The following STK32A variants were observed in gnomAD, a reference collection of about 807,000 sequenced individuals.
The protein encoded by STK32A is serine/threonine-protein kinase 32A.
Under a neutral mutation model 53.2 loss-of-function variants are expected in STK32A, and 41 were observed. That is an observed-to-expected ratio of 0.77 (90% confidence interval 0.60 to 1.00). STK32A has a LOEUF of 1.00. STK32A is among the 50% of genes least tolerant of loss of function. STK32A has a pLI of 0.00. For missense variants in STK32A, 458 were observed against 485.8 expected (o/e 0.94, Z 0.54); for synonymous variants, 166 against 162.8 (o/e 1.02, Z -0.15).
intron 4 of STK32A, among the ~76,000 whole-genome samples, chr5:147,319,770 G>C (rs1754207256): frequency 6.6e-6 from 1 of 152,140 alleles, no homozygotes; most frequent in African/African-American, 2.4e-5. Context: ...AGCCTGCTGT[G>C]AGCACTCCCT....
At chr5:147,332,620 C>T (rs896458922) in intron 5 of STK32A, among the ~76,000 whole-genome samples, 27 of 151,980 alleles carry the variant, frequency 1.8e-4, no homozygotes, top group Non-Finnish European at 5.9e-5. Context: ...AGAAAATGCC[C>T]TTTCTTTTTG....
At chr5:147,396,109 T>C in the STK32A span, among the ~76,000 whole-genome samples, 1 of 152,050 alleles carries the variant, frequency 6.6e-6, no homozygotes, top group Non-Finnish European at 1.5e-5. Context: ...AGAACAGCAG[T>C]ACAGCTGGAG....
intron 2 of STK32A, among the ~76,000 whole-genome samples, chr5:147,265,479 T>A (rs527755001): frequency 2.0e-5 from 3 of 152,296 alleles, no homozygotes; most frequent in Non-Finnish European, 4.4e-5. Flanking sequence ...TTTAGAAAGA[T>A]GAGAGAATGG....
chr5:147,388,918 G>C (rs1757733712), downstream of STK32A, among the ~76,000 whole-genome samples: 1 of 152,204 alleles, frequency 6.6e-6, no homozygotes, highest in African/African-American at 2.4e-5. Flanking sequence ...GAGCTCAGCT[G>C]CTGCCTCGGT....
chr5:147,384,569 C>T lies in STK32A; in HGVS notation c.*586C>T, dbSNP rs960762818. 1.0e-4 allele frequency: 69 copies of T among 681,578 alleles called. No individual in the cohort carries two copies. The highest frequency in any genetic ancestry group is 1.5e-4 in the Non-Finnish European group (62 of 423,322). 42.2% of individuals were successfully genotyped at this position (681,578 alleles called of 1,614,324 possible). On this transcript the variant is annotated 3_prime_UTR_variant, in exon 13 of 13. Coordinates refer to ENST00000397936, the MANE Select transcript of STK32A (RefSeq NM_001112724.2). ...GATATGCGTGAATCAGCATTAGATCCGCTTATCTCAGCTGGCAGGAGCCTG... is the reference window on the plus strand; with the variant it reads ...GATATGCGTGAATCAGCATTAGATCTGCTTATCTCAGCTGGCAGGAGCCTG...
In STK32A at chr5:147,361,581, G is replaced by A. The variant is rs1390465111; in HGVS notation, c.627G>A (p.Leu209=). The change falls in exon 8 of 13, where the codon CTG becomes CTA. Residue 209 remains leucine, a synonymous_variant. Coordinates refer to ENST00000397936, the MANE Select transcript of STK32A (RefSeq NM_001112724.2). The stretch of plus-strand genomic sequence containing the variant: ...CCTTTGCTGTTGACTGGTGGTCCCT[G>A]GGAGTGACGGCATATGAACTGCTGA... The part of the protein sequence containing the change: ...GYSFAVDWWS[L]GVTAYELLRG... 1.2e-6 allele frequency: 2 copies of A among 1,613,426 alleles called. No individual in the cohort carries two copies. The highest frequency in any genetic ancestry group is 1.7e-6 in the Non-Finnish European group (2 of 1,179,680).
At chr5:147,260,719 C>G (rs1660427722) in intron 2 of STK32A, among the ~76,000 whole-genome samples, 1 of 152,124 alleles carries the variant, frequency 6.6e-6, no homozygotes, top group African/African-American at 2.4e-5. Flanking sequence ...CTGGCCGCTC[C>G]CCTAAGGCAG....
chr5:147,328,331 C>A (rs897324058), intron 5 of STK32A, among the ~76,000 whole-genome samples: 1 of 152,192 alleles, frequency 6.6e-6, no homozygotes, highest in African/African-American at 2.4e-5. Context: ...GTTTCCGCCA[C>A]AAATCCCCAT....
At chr5:147,256,368 A>G (rs1458061371) in intron 2 of STK32A, among the ~76,000 whole-genome samples, 1 of 152,162 alleles carries the variant, frequency 6.6e-6, no homozygotes, top group Non-Finnish European at 1.5e-5. Flanking sequence ...AAGAGCTACC[A>G]TGCAGCCCAT....
intron 4 of STK32A, among the ~76,000 whole-genome samples, chr5:147,322,456 C>T (rs1236307034): frequency 6.6e-6 from 1 of 152,078 alleles, no homozygotes; most frequent in Admixed American, 6.5e-5. Context: ...TATTCCTTTT[C>T]TCCTTCAGCA....
At chr5:147,244,059 C>A (rs1042262883) in intron 2 of STK32A, among the ~76,000 whole-genome samples, 1 of 124,772 alleles carries the variant, frequency 8.0e-6, no homozygotes, top group Non-Finnish European at 1.8e-5. Context: ...CCTCCCCAGT[C>A]CCTGTTAACA....
intron 2 of STK32A, among the ~76,000 whole-genome samples, chr5:147,274,951 C>G (rs1581025812): frequency 6.6e-6 from 1 of 152,258 alleles, no homozygotes; most frequent in African/African-American, 2.4e-5. Context: ...TATACATTCT[C>G]TATTGCATAT....
intron 2 of STK32A, among the ~76,000 whole-genome samples, chr5:147,263,058 T>C (rs1754654848): frequency 6.6e-6 from 1 of 152,170 alleles, no homozygotes; most frequent in Non-Finnish European, 1.5e-5. Flanking sequence ...GTTTTCTTAG[T>C]GGGGAAGTTG....
intron 1 of STK32A, among the ~76,000 whole-genome samples, chr5:147,236,799 CCTCTTT>C: frequency 6.6e-6 from 1 of 152,212 alleles, no homozygotes; most frequent in South Asian, 2.1e-4. Flanking sequence ...AATATTCCTT[CCTCTTT>C]CTCTTTCTGA....
intron 2 of STK32A, among the ~76,000 whole-genome samples, chr5:147,272,976 A>G (rs1434207283): frequency 6.6e-6 from 1 of 152,224 alleles, no homozygotes; most frequent in East Asian, 1.9e-4. Context: ...GTACTTGCTC[A>G]AGCTGGAATC....
Position 147,247,066 on chromosome 5 carries a change from A to G in STK32A, c.52+7380A>G, listed in dbSNP as rs138750862. Among the ~76,000 whole-genome samples, 11 of 152,346 alleles carry G rather than the reference A, an allele frequency of 7.2e-5. No individual in the cohort carries two copies. The East Asian group carries it at 2.1e-3, about 29-fold the overall frequency. On this transcript the variant is annotated intron_variant, in intron 2 of 12. Coordinates refer to ENST00000397936, the MANE Select transcript of STK32A (RefSeq NM_001112724.2). ...AAGCTATAGACATTTTTAATTTTCA[A>G]CTTGCAACTACCTAGGTTGAAAAAT... is the stretch of plus-strand genomic sequence containing the variant.
intron 2 of STK32A, among the ~76,000 whole-genome samples, chr5:147,243,682 A>T (rs182600674): frequency 6.8e-6 from 1 of 147,880 alleles, no homozygotes. Flanking sequence ...TGAAGTTTGC[A>T]GTGAGCTGAG....
chr5:147,291,646 C>T (rs1214971793), intron 4 of STK32A, among the ~76,000 whole-genome samples: 2 of 151,932 alleles, frequency 1.3e-5, no homozygotes, highest in Non-Finnish European at 1.5e-5. Flanking sequence ...AAAATCCAGT[C>T]CTTTCTTAGA....
At chr5:147,400,506 T>C in the STK32A span, among the ~76,000 whole-genome samples, 1 of 152,216 alleles carries the variant, frequency 6.6e-6, no homozygotes, top group African/African-American at 2.4e-5. Context: ...TGCTAGGCCT[T>C]AGGATTCATC....
Sources: gnomAD v4.1 joint callset for allele counts (sites outside exome capture counted in the v4.1 genomes callset) on GRCh38, gnomAD v4.1.1 for gene constraint, MANE v1.5 for transcripts, NCBI Gene and HGNC (gene_info 2026-07-23, HGNC 2026-07-21) for gene names.